The following ORC6 variants were observed in gnomAD, a reference collection of about 807,000 sequenced individuals.
The protein encoded by ORC6 is origin recognition complex, subunit 6 homolog-like (yeast).
ORC6 carries 31 observed loss-of-function variants against 30.0 expected under a neutral mutation model. That is an observed-to-expected ratio of 1.03 (90% CI 0.78 to 1.40). The LOEUF (loss-of-function observed/expected upper bound fraction) is 1.40. Among genes scored for constraint, ORC6 ranks in the 40% most tolerant of loss-of-function variants. ORC6 has a pLI of 0.00. For synonymous variants in ORC6, 136 were observed against 111.2 expected (o/e 1.22, Z -1.40); for missense variants, 340 against 304.3 (o/e 1.12, Z -0.87).
intron 4 of ORC6, chr16:46,695,230 G>A: frequency 3.5e-6 from 1 of 289,606 alleles, no homozygotes; most frequent in South Asian, 3.5e-5. Context: ...TATCCTGTGA[G>A]TTAAAATGAG....
chr16:46,697,036 T>C lies in ORC6; in HGVS notation c.632-422T>C, dbSNP rs576278408. 1.1e-4 allele frequency among the ~76,000 whole-genome samples: 16 copies of C among 152,356 alleles called. No individual in the cohort carries two copies. In the East Asian group the frequency reaches 2.9e-3, roughly 28 times the overall value. On this transcript the variant is annotated intron_variant, in intron 6 of 6. Transcript: ENST00000219097. Reference sequence around the variant, plus strand: ...ATAAAATGTGATTAATATTATCACCTATTACGGAGTGTAGTAGGGGTTAAA... The same window carrying C: ...ATAAAATGTGATTAATATTATCACCCATTACGGAGTGTAGTAGGGGTTAAA...
At position 46,689,785 on chromosome 16, in the gene ORC6, G is replaced by T. The variant is rs766015460; in HGVS notation, c.65+15G>T. 4.4e-6 allele frequency: 7 copies of T among 1,582,012 alleles called. No homozygotes were observed. Among genetic ancestry groups the T allele is most frequent in the Non-Finnish European group, 6.0e-6 (7 of 1,166,316 alleles). The stretch of plus-strand genomic sequence containing the variant: ...GACATGCTGAGGTGAGTTCGGCCGC[G>T]CAAGACCAGGGCTGGGCTTCCGCCT... On this transcript the variant is annotated intron_variant, in intron 1 of 6. Transcript: ENST00000219097.
chr16:46,695,316 G>T, intron 4 of ORC6: 1 of 480,936 alleles, frequency 2.1e-6, no homozygotes, highest in Non-Finnish European at 3.7e-6. Context: ...AAGTCATGAA[G>T]CACTACAGCA....
rs1966508879 is a variant in ORC6, at chr16:46,695,574, G to C, written c.462G>C (p.Leu154=). ...ALLSACKILK[L]KVDKNKMVAT... is the part of the protein sequence containing the mutation. ...AATTGTTTTGTAGGATTCTAAAGCT[G>C]AAAGTGGATAAAAACAAAATGGTAG... Residue 154 remains leucine (L), a synonymous_variant, in exon 5 of 7, where the codon CTG becomes CTC. Transcript: ENST00000219097. 1 of 1,611,026 alleles carries C rather than the reference G, an allele frequency of 6.2e-7. No individual in the cohort carries two copies. Among genetic ancestry groups the C allele is most frequent in the African/African-American group, 1.3e-5 (1 of 74,874 alleles).
chr16:46,689,951 C>T (rs1966411216), intron 1 of ORC6, 181 bp downstream of exon 1: 3 of 827,672 alleles, frequency 3.6e-6, no homozygotes, highest in Non-Finnish European at 5.3e-6. Context: ...AATGAGATGG[C>T]AAGAAGGGCG....
rs1966410743 is a variant in ORC6, at chr16:46,689,926, T to C, written c.65+156T>C. The C allele has an allele frequency of 4.4e-6, 5 of 1,129,142 alleles. No individual in the cohort carries two copies. The Admixed American group carries it at 1.6e-4, about 35-fold the overall frequency. The allele number at this position is 1,129,142 out of a possible 1,614,324, so 69.9% of individuals were successfully genotyped here. ...TAGGGCCTACTTCAAGAAAAACTTC[T>C]CGGCCGTGAGCTTGAATGAGATGGC... On this transcript the variant is annotated intron_variant, in intron 1 of 6. Transcript: ENST00000219097.
In ORC6 at chr16:46,696,213, C is replaced by T; in HGVS notation, c.631+128C>T. On this transcript the variant is annotated intron_variant, in intron 6 of 6. Coordinates refer to ENST00000219097, the MANE Select transcript of ORC6 (RefSeq NM_014321.4). ...CTGACTGTGAATCATTTGATAAGAC[C>T]AGTTTTCCAAGCAATCAGTAATGGA... 8.3e-6 allele frequency: 6 copies of T among 724,104 alleles called. No homozygotes were observed. In the South Asian group the frequency reaches 8.8e-5, roughly 11 times the overall value. The allele number at this position is 724,104 out of a possible 1,614,324, so 44.9% of individuals were successfully genotyped here.
chr16:46,698,160 T>TATAGATAGATAGATGGATAGATGG lies in ORC6; in HGVS notation c.*589_*590insGGATAGATGGATAGATAGATAGAT, dbSNP rs1966542207. ...CCAGCCTGGGTGACAGAGCGAGACT[T>TATAGATAGATAGATGGATAGATGG]ATAGATAGATAGATAGATAGATGGA... On this transcript the variant is annotated 3_prime_UTR_variant, in exon 7 of 7. Coordinates refer to ENST00000219097, the MANE Select transcript of ORC6 (RefSeq NM_014321.4). 6 of 368,880 alleles carry TATAGATAGATAGATGGATAGATGG rather than the reference T, an allele frequency of 1.6e-5. No homozygotes were observed. The East Asian group carries it at 4.4e-4, about 27-fold the overall frequency. The allele number at this position is 368,880 out of a possible 1,614,324, so 22.9% of individuals were successfully genotyped here. A position where few individuals can be genotyped will look rare whatever the true frequency, so the allele number is the denominator to read the frequency against.
rs774391464 is a variant in ORC6 at position 46,697,953 on chromosome 16, A to G, written c.*368A>G. 4.5e-5 allele frequency: 20 copies of G among 440,164 alleles called. 1 individual carries two copies. Among genetic ancestry groups the G allele is most frequent in the South Asian group, 2.7e-4 (17 of 62,596 alleles). The allele number at this position is 440,164 out of a possible 1,614,324, so 27.3% of individuals were successfully genotyped here. ...AACATGGTGAAACCCCATCTCTACTAAAAATACAAAAATTAGCCAGGTGTG... is the reference window on the plus strand; with the variant it reads ...AACATGGTGAAACCCCATCTCTACTGAAAATACAAAAATTAGCCAGGTGTG... On this transcript the variant is annotated 3_prime_UTR_variant, in exon 7 of 7. Transcript: ENST00000219097.
chr16:46,695,806 T>C (rs1467343278), intron 5 of ORC6, 132 bp downstream of exon 5: 1 of 763,302 alleles, frequency 1.3e-6, no homozygotes, highest in Non-Finnish European at 2.3e-6. Context: ...GGTATGTTTT[T>C]ATTGATGTTT....
rs568119196 is a variant in ORC6 at position 46,698,160 on chromosome 16, TATAGATAGATAGATAG to T, written c.*582_*597del. 2 of 368,880 alleles carry T rather than the reference TATAGATAGATAGATAG, an allele frequency of 5.4e-6. No homozygotes were observed. Among genetic ancestry groups the T allele is most frequent in the East Asian group, 7.4e-5 (1 of 13,596 alleles). 22.9% of individuals were successfully genotyped at this position (368,880 alleles called of 1,614,324 possible). A position where few individuals can be genotyped will look rare whatever the true frequency, so the allele number is the denominator to read the frequency against. ...CCAGCCTGGGTGACAGAGCGAGACT[TATAGATAGATAGATAG>T]ATAGATGGATAGATAGATAGATAGA... On this transcript the variant is annotated 3_prime_UTR_variant, in exon 7 of 7. Transcript: ENST00000219097.
intron 4 of ORC6, 31 bp from the exon 5 acceptor site, chr16:46,695,531 G>C: frequency 1.6e-5 from 23 of 1,420,564 alleles, no homozygotes; most frequent in Non-Finnish European, 2.2e-5. Context: ...TACAGGTCTT[G>C]AGAAAAGCAA....
chr16:46,695,472 G>A (rs1433362156), intron 4 of ORC6, 90 bp from the exon 5 acceptor site: 1 of 803,770 alleles, frequency 1.2e-6, no homozygotes, highest in Non-Finnish European at 2.2e-6. Flanking sequence ...TGGAAGCATG[G>A]TCAAAAAGAA....
At chr16:46,694,517 G>T (rs1209999064) in intron 4 of ORC6, 1 of 139,622 alleles carries the variant, frequency 7.2e-6, no homozygotes, top group East Asian at 2.1e-4. Flanking sequence ...CTTCCTGGAC[G>T]GGGCGGCTGG....
chr16:46,689,794 G>A (rs1966405810), intron 1 of ORC6, 24 bp downstream of exon 1: 2 of 1,572,934 alleles, frequency 1.3e-6, no homozygotes, highest in Non-Finnish European at 1.7e-6. Flanking sequence ...CGCAAGACCA[G>A]GGCTGGGCTT....
chr16:46,689,678 G>A lies in ORC6; in HGVS notation c.-28G>A. 6.3e-7 allele frequency: 1 copy of A among 1,592,090 alleles called. No individual in the cohort carries two copies. Among genetic ancestry groups the A allele is most frequent in the South Asian group, 1.1e-5 (1 of 88,152 alleles). ...GGTTTCGTTGACCCGCGGCGTTCACGGGAATTGTTCGCTTTAGTGCCGGCG... is the reference window on the plus strand; with the variant it reads ...GGTTTCGTTGACCCGCGGCGTTCACAGGAATTGTTCGCTTTAGTGCCGGCG... On this transcript the variant is annotated 5_prime_UTR_variant, in exon 1 of 7. Coordinates refer to ENST00000219097, the MANE Select transcript of ORC6 (RefSeq NM_014321.4).
intron 2 of ORC6, 42 bp from the exon 3 acceptor site, chr16:46,692,328 AATATATAGAACT>A (rs1966455358): frequency 2.1e-6 from 3 of 1,422,290 alleles, no homozygotes; most frequent in Non-Finnish European, 3.0e-6. Context: ...TAAGGGTACT[AATATATAGAACT>A]TAAGGTTTTT....
intron 6 of ORC6, 39 bp downstream of exon 6, chr16:46,696,124 T>C: frequency 7.1e-7 from 1 of 1,412,870 alleles, no homozygotes; most frequent in Non-Finnish European, 1.0e-6. Context: ...TGACATTTTA[T>C]GCAGTGAACA....
chr16:46,692,596 G>C (rs547948193), intron 3 of ORC6, 51 bp downstream of exon 3: 1 of 1,536,006 alleles, frequency 6.5e-7, no homozygotes, highest in African/African-American at 1.4e-5. Flanking sequence ...TAGGCCGGGC[G>C]TGGTGGCTCA....
Sources: allele counts gnomAD v4.1 joint callset (sites outside exome capture counted in the v4.1 genomes callset), GRCh38; gene constraint gnomAD v4.1.1; transcripts MANE v1.5; gene names NCBI Gene and HGNC (gene_info 2026-07-23, HGNC 2026-07-21).